The following CAMK4 variants were observed in gnomAD, a reference collection of about 807,000 sequenced individuals.
CAMK4 encodes the protein calcium/calmodulin-dependent protein kinase type IV.
CAMK4 carries 22 observed loss-of-function variants against 44.9 expected under a neutral mutation model. The ratio of observed to expected loss-of-function variants is 0.49; its 90% CI spans 0.35 to 0.70. The LOEUF is 0.70. Among genes scored for constraint, CAMK4 ranks in the 30% least tolerant of loss-of-function variants. The pLI is 0.01. For synonymous variants in CAMK4, 218 were observed against 215.4 expected, an observed-to-expected ratio of 1.01 and a Z score of -0.11; for missense variants, 498 against 586.8, an observed-to-expected ratio of 0.85 and a Z score of 1.56.
Position 111,340,575 on chromosome 5 carries a change from A to T in CAMK4, c.162-3449A>T, listed in dbSNP as rs568856567. Among the ~76,000 whole-genome samples the T allele has an allele frequency of 2.0e-5, 3 of 151,394 alleles. No homozygotes were observed. The East Asian group carries it at 5.9e-4, about 30-fold the overall frequency. On this transcript the variant is annotated intron_variant, in intron 1 of 10. Coordinates refer to ENST00000282356, the MANE Select transcript of CAMK4 (RefSeq NM_001744.6). Reference sequence around the variant, plus strand: ...CAAGGGTAAATAACACTTGACCATGATGAATGAGCCTTTCAATGTGCTGCT... The same window carrying T: ...CAAGGGTAAATAACACTTGACCATGTTGAATGAGCCTTTCAATGTGCTGCT...
intron 1 of CAMK4, among the ~76,000 whole-genome samples, chr5:111,258,011 G>T (rs1241333485): frequency 6.6e-6 from 1 of 152,148 alleles, no homozygotes; most frequent in Non-Finnish European, 1.5e-5. Context: ...GCACGGGGAG[G>T]GTGTCGGGGG....
chr5:111,309,283 A>G (rs1459985919), intron 1 of CAMK4, among the ~76,000 whole-genome samples: 2 of 152,196 alleles, frequency 1.3e-5, no homozygotes, highest in Admixed American at 1.3e-4. Flanking sequence ...TGAGAGATGT[A>G]GGAGAGGAAA....
At chr5:111,286,864 A>C (rs575511427) in intron 1 of CAMK4, among the ~76,000 whole-genome samples, 1 of 152,272 alleles carries the variant, frequency 6.6e-6, no homozygotes, top group African/African-American at 2.4e-5. Flanking sequence ...TTGATTGCTT[A>C]ATGGTTGAAC....
At chr5:111,229,072 G>GAA (rs1429372828) in intron 1 of CAMK4, among the ~76,000 whole-genome samples, 1 of 152,222 alleles carries the variant, frequency 6.6e-6, no homozygotes, top group African/African-American at 2.4e-5. Flanking sequence ...AAGGAAACAC[G>GAA]AAAGCGTGCA....
intron 1 of CAMK4, among the ~76,000 whole-genome samples, chr5:111,309,622 G>T (rs1360692186): frequency 6.6e-6 from 1 of 152,100 alleles, no homozygotes; most frequent in Non-Finnish European, 1.5e-5. Context: ...TTCTCTGGGT[G>T]AGCTGTGGCA....
chr5:111,274,564 A>G (rs1017989612), intron 1 of CAMK4, among the ~76,000 whole-genome samples: 1 of 152,210 alleles, frequency 6.6e-6, no homozygotes, highest in African/African-American at 2.4e-5. Context: ...TTATATGTCT[A>G]CATGCATACA....
chr5:111,431,648 TCAAA>T (rs1305144457), intron 5 of CAMK4, among the ~76,000 whole-genome samples: 1 of 151,530 alleles, frequency 6.6e-6, no homozygotes, highest in Non-Finnish European at 1.5e-5. Context: ...TAAAAGGAAC[TCAAA>T]CAACTCTATA....
intron 1 of CAMK4, among the ~76,000 whole-genome samples, chr5:111,245,375 TAGC>T (rs1749188748): frequency 1.3e-5 from 2 of 152,242 alleles, no homozygotes; most frequent in African/African-American, 2.4e-5. Flanking sequence ...TTGATAATAA[TAGC>T]AGAAATTTTT....
intron 5 of CAMK4, among the ~76,000 whole-genome samples, chr5:111,420,767 A>G (rs916941019): frequency 6.6e-6 from 1 of 152,224 alleles, no homozygotes; most frequent in African/African-American, 2.4e-5. Flanking sequence ...GAAGAGAAAT[A>G]TGGCTCTGTT....
At chr5:111,364,508 C>T (rs1750715745) in intron 2 of CAMK4, among the ~76,000 whole-genome samples, 1 of 152,072 alleles carries the variant, frequency 6.6e-6, no homozygotes, top group Non-Finnish European at 1.5e-5. Flanking sequence ...TCTGCAAGCA[C>T]ATAGGTTTGT....
At chr5:111,308,032 T>C (rs1228847259) in intron 1 of CAMK4, among the ~76,000 whole-genome samples, 2 of 104,792 alleles carry the variant, frequency 1.9e-5, no homozygotes, top group African/African-American at 8.3e-5. Flanking sequence ...TTCTCACTCA[T>C]AGGTGGGAAT....
At chr5:111,461,366 C>T (rs1298066054) in intron 7 of CAMK4, among the ~76,000 whole-genome samples, 2 of 152,176 alleles carry the variant, frequency 1.3e-5, no homozygotes, top group Non-Finnish European at 2.9e-5. Flanking sequence ...TCATCTGCAC[C>T]TTTGTCACTG....
chr5:111,363,160 T>C (rs1199751897), intron 2 of CAMK4, among the ~76,000 whole-genome samples: 1 of 152,086 alleles, frequency 6.6e-6, no homozygotes, highest in Admixed American at 6.6e-5. Context: ...ATAATTTATA[T>C]TTTTCCAAGT....
intron 1 of CAMK4, among the ~76,000 whole-genome samples, chr5:111,269,414 A>G (rs923332578): frequency 6.6e-6 from 1 of 152,080 alleles, no homozygotes; most frequent in Non-Finnish European, 1.5e-5. Context: ...TGTGTGGGGG[A>G]AAGGGCCTTC....
At chr5:111,421,035 C>A (rs1380942028) in intron 5 of CAMK4, among the ~76,000 whole-genome samples, 1 of 152,140 alleles carries the variant, frequency 6.6e-6, no homozygotes, top group Non-Finnish European at 1.5e-5. Context: ...GATAAGTGTC[C>A]ATGAAATCTT....
At chr5:111,450,704 C>G (rs1754200496) in intron 7 of CAMK4, among the ~76,000 whole-genome samples, 1 of 150,466 alleles carries the variant, frequency 6.6e-6, no homozygotes, top group Non-Finnish European at 1.5e-5. Context: ...AGTAGAATCC[C>G]TTGCACCTGG....
chr5:111,324,041 A>G (rs907157993), intron 1 of CAMK4, among the ~76,000 whole-genome samples: 1 of 152,070 alleles, frequency 6.6e-6, no homozygotes, highest in Admixed American at 6.6e-5. Flanking sequence ...AAAATAAGAT[A>G]TATACTATAA....
At position 111,482,849 on chromosome 5, in the gene CAMK4, C is replaced by A; in HGVS notation, c.893C>A (p.Pro298Gln). Residue 298 changes from proline to glutamine, a missense_variant, in exon 10 of 11, where the codon CCG (proline) becomes CAG (glutamine). Pro to Gln is a moderately conservative substitution (Grantham distance 76). Around this residue, in one of 3 missense-constraint regions of CAMK4, gnomAD observed 203 missense variants for 298.2 expected, o/e 0.68. Transcript: ENST00000282356. This position sits in a 1 kb window ranked among gnomAD's most constrained non-coding sequence, Gnocchi z 4.9. ...RLTTFQALQHPWVTGKAANFV... is the reference protein window; with the variant it reads ...RLTTFQALQHQWVTGKAANFV... Reference sequence around the variant, plus strand: ...ACTACATTTCAAGCTCTCCAGCATCCGTGGGTCACAGGTAAAGCAGCCAAT... The same window carrying A: ...ACTACATTTCAAGCTCTCCAGCATCAGTGGGTCACAGGTAAAGCAGCCAAT... The A allele has an allele frequency of 6.2e-7, 1 of 1,612,684 alleles. No individual in the cohort carries two copies. Among genetic ancestry groups the A allele is most frequent in the Non-Finnish European group, 8.5e-7 (1 of 1,179,344 alleles).
In CAMK4 at chr5:111,334,948, T is replaced by TA. The variant is rs550735990; in HGVS notation, c.162-9066dup. ...ATTTCATCTCAAGATACCTCCCATT[T>TA]AAAAAAAAAAGTGAAACTCTTTAAT... On this transcript the variant is annotated intron_variant, in intron 1 of 10. Transcript: ENST00000282356. Among the ~76,000 whole-genome samples the TA allele has an allele frequency of 3.5e-3, 516 of 148,312 alleles. 3 individuals are homozygous for TA. The highest frequency in any genetic ancestry group is 0.015 in the South Asian group (71 of 4,692).
Sources: allele counts gnomAD v4.1 joint callset (sites outside exome capture counted in the v4.1 genomes callset), GRCh38; gene constraint gnomAD v4.1.1; regional missense constraint gnomAD v4.1.1; non-coding constraint Gnocchi (gnomAD v3.1); transcripts MANE v1.5; gene names NCBI Gene and HGNC (gene_info 2026-07-23, HGNC 2026-07-21).